The following PPP1R21 variants were observed in gnomAD, a reference collection of about 807,000 sequenced individuals.
PPP1R21 encodes protein phosphatase 1 regulatory subunit 21.
PPP1R21 carries 85 observed loss-of-function variants against 112.8 expected under a neutral mutation model. The ratio of observed to expected loss-of-function variants is 0.75; its 90% confidence interval spans 0.63 to 0.90. The LOEUF (loss-of-function observed/expected upper bound fraction) is 0.90. Among genes scored for constraint, PPP1R21 ranks in the 40% least tolerant of loss-of-function variants. PPP1R21 has a pLI of 0.00. For missense variants in PPP1R21, 1,199 were observed against 901.5 expected, an observed-to-expected ratio of 1.33 and a Z score of -4.23; for synonymous variants, 381 against 322.3, an observed-to-expected ratio of 1.18 and a Z score of -1.95.
chr2:48,483,195 CT>C (rs755036470), intron 13 of PPP1R21, among the ~76,000 whole-genome samples: 146 of 80,902 alleles, frequency 1.8e-3, no homozygotes, highest in African/African-American at 7.0e-3. Flanking sequence ...CTTTTTTTTC[CT>C]TTTTTTTTTT....
At position 48,510,055 on chromosome 2, in the gene PPP1R21, C is replaced by T. The variant is rs767681223; in HGVS notation, c.2126C>T (p.Ser709Phe). 5 of 1,613,992 alleles carry T rather than the reference C, an allele frequency of 3.1e-6. No individual in the cohort carries two copies. The highest frequency in any genetic ancestry group is 3.4e-6 in the Non-Finnish European group (4 of 1,179,904). Reference protein sequence around the residue: ...LSKRLALAEKSKEALTEEMKL... With the variant: ...LSKRLALAEKFKEALTEEMKL... ...AAAAGACTGGCCTTGGCTGAAAAGT[C>T]TAAGGAAGCATTGACAGAAGAAATG... is the stretch of plus-strand genomic sequence containing the variant. Residue 709 changes from serine to phenylalanine, a missense_variant, in exon 20 of 22, where the codon TCT (serine) becomes TTT (phenylalanine). Physicochemically the swap from Ser to Phe is radical, Grantham distance 155. Transcript: ENST00000294952.
At chr2:48,512,125 G>C (rs890822819) in intron 21 of PPP1R21, among the ~76,000 whole-genome samples, 1 of 152,166 alleles carries the variant, frequency 6.6e-6, no homozygotes, top group Non-Finnish European at 1.5e-5. Flanking sequence ...TACTGTTGAA[G>C]AGTAAATGTT....
intron 12 of PPP1R21, among the ~76,000 whole-genome samples, chr2:48,477,150 C>G (rs915994754): frequency 8.1e-6 from 1 of 124,166 alleles, no homozygotes; most frequent in African/African-American, 3.0e-5. Flanking sequence ...TAGACAGAGT[C>G]TCACTCTATC....
intron 20 of PPP1R21, among the ~76,000 whole-genome samples, chr2:48,510,641 G>C (rs1211569292): frequency 6.6e-6 from 1 of 152,200 alleles, no homozygotes; most frequent in East Asian, 1.9e-4. Flanking sequence ...AGATTAATTA[G>C]GCACACAGGA....
intron 18 of PPP1R21, among the ~76,000 whole-genome samples, chr2:48,506,602 C>A (rs775532781): frequency 6.6e-6 from 1 of 152,048 alleles, no homozygotes; most frequent in Non-Finnish European, 1.5e-5. Context: ...AGTAGAAATA[C>A]CAGTCTGGGA....
In PPP1R21 at chr2:48,460,050, G is replaced by T. The variant is rs199886165; in HGVS notation, c.541-45G>T. On this transcript the variant is annotated intron_variant, in intron 5 of 21. Coordinates refer to ENST00000294952, the MANE Select transcript of PPP1R21 (RefSeq NM_001135629.3). ...GGTCTTACTAAGTGTGCTCCTATCT[G>T]TCGTAGCCTGAGCCATCTGTGTTTC... 235 of 1,610,778 alleles carry T rather than the reference G, an allele frequency of 1.5e-4. 1 individual carries two copies. The African/African-American group carries it at 2.9e-3, about 20-fold the overall frequency.
intron 11 of PPP1R21, among the ~76,000 whole-genome samples, chr2:48,473,300 A>C (rs989740301): frequency 1.3e-5 from 2 of 151,896 alleles, no homozygotes; most frequent in South Asian, 4.2e-4. Flanking sequence ...CTGTATAAAG[A>C]TTTTTTGAAA....
At chr2:48,490,222 A>C (rs1669499610) in intron 14 of PPP1R21, among the ~76,000 whole-genome samples, 1 of 116,950 alleles carries the variant, frequency 8.6e-6, no homozygotes, top group South Asian at 2.2e-4. Flanking sequence ...CCGACTCAAA[A>C]AAAAAAAAAA....
At chr2:48,511,905 T>C (rs1670661034) in intron 21 of PPP1R21, among the ~76,000 whole-genome samples, 1 of 152,084 alleles carries the variant, frequency 6.6e-6, no homozygotes, top group Admixed American at 6.6e-5. Flanking sequence ...ATAAATAATT[T>C]TCCTTAATAT....
chr2:48,462,782 A>T (rs368624888), intron 7 of PPP1R21, among the ~76,000 whole-genome samples: 4 of 152,324 alleles, frequency 2.6e-5, no homozygotes, highest in African/African-American at 9.6e-5. Context: ...TGTACTCACA[A>T]GGTTAATCTG....
intron 12 of PPP1R21, among the ~76,000 whole-genome samples, chr2:48,476,250 T>C (rs1240677858): frequency 3.3e-5 from 5 of 152,262 alleles, no homozygotes; most frequent in African/African-American, 1.2e-4. Context: ...CATCATGCTT[T>C]TTAAGATTCA....
At chr2:48,502,174 A>C (rs570302844) in intron 17 of PPP1R21, 1 of 152,316 alleles carries the variant, frequency 6.6e-6, no homozygotes, top group Admixed American at 6.5e-5. Flanking sequence ...AGTACTGAAC[A>C]CTATTGGGCC....
Position 48,465,590 on chromosome 2 carries a change from A to G in PPP1R21, c.845A>G (p.Gln282Arg), listed in dbSNP as rs762202016. The G allele has an allele frequency of 6.2e-7, 1 of 1,613,890 alleles. No individual in the cohort carries two copies. The highest frequency in any genetic ancestry group is 2.2e-5 in the East Asian group (1 of 44,870). ...CATACCTACACAGAACAGAGGATTC[A>G]AATTTTTCCTGTTGATTCTGCCATT... ...NFHTYTEQRIQIFPVDSAIDT... is the reference protein window; with the variant it reads ...NFHTYTEQRIRIFPVDSAIDT... Residue 282 changes from glutamine to arginine, a missense_variant, in exon 9 of 22, where the codon CAA (glutamine) becomes CGA (arginine). Gln to Arg is a conservative substitution (Grantham distance 43, BLOSUM62 1). Coordinates refer to ENST00000294952, the MANE Select transcript of PPP1R21 (RefSeq NM_001135629.3).
intron 9 of PPP1R21, among the ~76,000 whole-genome samples, chr2:48,466,198 A>G (rs986991003): frequency 6.6e-6 from 1 of 151,378 alleles, no homozygotes; most frequent in Non-Finnish European, 1.5e-5. Context: ...GAACCAAACC[A>G]TATCAGGGAG....
chr2:48,475,737 C>T (rs1668724040), intron 12 of PPP1R21, among the ~76,000 whole-genome samples: 1 of 151,912 alleles, frequency 6.6e-6, no homozygotes, highest in Non-Finnish European at 1.5e-5. Flanking sequence ...ATCCCAGCTA[C>T]TCGGGAGGCT....
chr2:48,479,477 T>C (rs1558476007), intron 12 of PPP1R21: 1 of 472,630 alleles, frequency 2.1e-6, no homozygotes, highest in Non-Finnish European at 4.4e-6. Context: ...TTTGCAAATT[T>C]TACCAGTTTT....
intron 9 of PPP1R21, among the ~76,000 whole-genome samples, chr2:48,469,600 G>C (rs1487926152): frequency 1.9e-5 from 2 of 107,890 alleles, no homozygotes; most frequent in African/African-American, 3.6e-5. Context: ...ACCAGTATTG[G>C]ATAGAATATA....
rs1342601249 is a variant in PPP1R21 at position 48,511,538 on chromosome 2, A to G, written c.2313+70A>G. 3 of 1,563,984 alleles carry G rather than the reference A, an allele frequency of 1.9e-6. No homozygotes were observed. In the African/African-American group the frequency reaches 4.1e-5, roughly 21 times the overall value. ...AATGTGAGGTATTTTATTGTTATGCATTTCAGGAGGAAGAGGACATAAGAT... is the reference window on the plus strand; with the variant it reads ...AATGTGAGGTATTTTATTGTTATGCGTTTCAGGAGGAAGAGGACATAAGAT... On this transcript the variant is annotated intron_variant, in intron 21 of 21. Coordinates refer to ENST00000294952, the MANE Select transcript of PPP1R21 (RefSeq NM_001135629.3).
rs555196999 is a variant in PPP1R21 at position 48,460,017 on chromosome 2, G to C, written c.541-78G>C. On this transcript the variant is annotated intron_variant, in intron 5 of 21. Transcript: ENST00000294952. The stretch of plus-strand genomic sequence containing the variant: ...GTTAGTCATTTCTGGTGAGACTTTT[G>C]CCTGCAGGGTCTTACTAAGTGTGCT... 1.7e-4 allele frequency: 276 copies of C among 1,593,802 alleles called. 1 individual carries two copies. The highest frequency in any genetic ancestry group is 6.8e-5 in the Non-Finnish European group (79 of 1,166,068).
Sources: allele counts gnomAD v4.1 joint callset (sites outside exome capture counted in the v4.1 genomes callset), GRCh38; gene constraint gnomAD v4.1.1; transcripts MANE v1.5; gene names NCBI Gene and HGNC (gene_info 2026-07-23, HGNC 2026-07-21).